The following DYDC1 variants were observed in gnomAD, a reference collection of about 807,000 sequenced individuals.
DYDC1 encodes DPY30 domain containing 1, also known as DPY30 domain-containing protein 1.
Under a neutral mutation model 27.9 loss-of-function variants are expected in DYDC1, and 21 were observed. The observed-to-expected ratio is 0.75, with a 90% CI of 0.53 to 1.08. The LOEUF (loss-of-function observed/expected upper bound fraction) is 1.08, where lower values mean the gene tolerates loss of function less well. DYDC1 is among the 50% of genes least tolerant of loss of function. The pLI is 0.00. For missense variants in DYDC1, 202 were observed against 205.9 expected, an observed-to-expected ratio of 0.98 and a Z score of 0.12; for synonymous variants, 67 against 65.8, an observed-to-expected ratio of 1.02 and a Z score of -0.09.
At chr10:80,354,756 C>T (rs1424428541) in intron 1 of DYDC1, among the ~76,000 whole-genome samples, 1 of 152,126 alleles carries the variant, frequency 6.6e-6, no homozygotes. Context: ...TAGAAGACAG[C>T]CACCTGCACA....
At chr10:80,339,211 T>C (rs2132743882) in intron 4 of DYDC1, 58 bp from the exon 5 acceptor site, 2 of 804,936 alleles carry the variant, frequency 2.5e-6, no homozygotes, top group Middle Eastern at 3.9e-4. Context: ...GATTTCATGT[T>C]TAATTTTTGG....
intron 6 of DYDC1, chr10:80,337,018 G>T: frequency 1.6e-6 from 1 of 613,402 alleles, no homozygotes; most frequent in Non-Finnish European, 2.0e-6. Context: ...CAACATACAA[G>T]ACCCAGTGTG....
chr10:80,338,428 A>G, intron 6 of DYDC1, 39 bp downstream of exon 6: 4 of 1,607,586 alleles, frequency 2.5e-6, no homozygotes, highest in Non-Finnish European at 3.4e-6. Flanking sequence ...AAAAACAAAA[A>G]CAAAAACGAG....
At chr10:80,347,894 C>T (rs564136724) in intron 3 of DYDC1, among the ~76,000 whole-genome samples, 1 of 152,274 alleles carries the variant, frequency 6.6e-6, no homozygotes, top group East Asian at 1.9e-4. Flanking sequence ...TTTGATAGTT[C>T]CAACTTCGTT....
At chr10:80,354,430 G>A (rs553501206) in intron 1 of DYDC1, 1 of 147,096 alleles carries the variant, frequency 6.8e-6, no homozygotes, top group African/African-American at 2.5e-5. Context: ...AGGTTGCAGT[G>A]AGCTGAGATT....
At chr10:80,348,348 T>G (rs1415872536) in intron 3 of DYDC1, among the ~76,000 whole-genome samples, 1 of 152,228 alleles carries the variant, frequency 6.6e-6, no homozygotes, top group Non-Finnish European at 1.5e-5. Flanking sequence ...GAAATTAGCT[T>G]TGGCTGCAGA....
chr10:80,351,853 T>G, intron 3 of DYDC1, 48 bp downstream of exon 3: 1 of 1,556,782 alleles, frequency 6.4e-7, no homozygotes, highest in Non-Finnish European at 8.8e-7. Flanking sequence ...CATGCTGAGG[T>G]TGGCATCGTT....
chr10:80,353,140 G>C (rs554408594), intron 1 of DYDC1, among the ~76,000 whole-genome samples: 52 of 151,338 alleles, frequency 3.4e-4, no homozygotes, highest in African/African-American at 1.3e-3. Flanking sequence ...CATCACAATA[G>C]TCCACCTTTT....
intron 1 of DYDC1, among the ~76,000 whole-genome samples, chr10:80,353,824 A>G (rs1032387114): frequency 2.0e-5 from 3 of 151,706 alleles, no homozygotes; most frequent in Admixed American, 1.3e-4. Flanking sequence ...AGTAAACTTG[A>G]AATCAATAAT....
intron 6 of DYDC1, 104 bp downstream of exon 6, chr10:80,338,363 A>G: frequency 1.4e-6 from 2 of 1,460,146 alleles, no homozygotes; most frequent in Non-Finnish European, 9.0e-7. Context: ...CCTATTTGCC[A>G]ACCAATCCTG....
At chr10:80,354,545 G>T (rs1016377952) in intron 1 of DYDC1, 4 of 151,798 alleles carry the variant, frequency 2.6e-5, no homozygotes, top group Non-Finnish European at 5.9e-5. Context: ...ATAGGTACTG[G>T]GAATACAAAA....
chr10:80,341,928 G>A (rs548661102), intron 4 of DYDC1, among the ~76,000 whole-genome samples: 20 of 151,656 alleles, frequency 1.3e-4, no homozygotes, highest in African/African-American at 4.6e-4. Context: ...GGAGGCTGAG[G>A]CAGGAGAATC....
At chr10:80,355,181 T>C (rs1446079047) in intron 1 of DYDC1, among the ~76,000 whole-genome samples, 1 of 151,774 alleles carries the variant, frequency 6.6e-6, no homozygotes, top group Non-Finnish European at 1.5e-5. Context: ...GGAATGAGCA[T>C]GGCAATTACA....
chr10:80,337,393 A>T, intron 6 of DYDC1: 1 of 985,420 alleles, frequency 1.0e-6, no homozygotes, highest in South Asian at 4.7e-5. Flanking sequence ...CATTTTCTGA[A>T]CAGCTCTTGA....
At chr10:80,336,678 C>A (rs529345788) in intron 6 of DYDC1, among the ~76,000 whole-genome samples, 2 of 152,252 alleles carry the variant, frequency 1.3e-5, no homozygotes, top group Non-Finnish European at 2.9e-5. Flanking sequence ...CTGAAGCCAT[C>A]ATTTTTTAAA....
At chr10:80,349,263 T>G (rs1323311788) in intron 3 of DYDC1, among the ~76,000 whole-genome samples, 3 of 152,244 alleles carry the variant, frequency 2.0e-5, no homozygotes. Flanking sequence ...AGTGAAATGT[T>G]ATCTTTTAAA....
intron 3 of DYDC1, among the ~76,000 whole-genome samples, chr10:80,348,537 G>C (rs1702899114): frequency 6.6e-6 from 1 of 152,144 alleles, no homozygotes; most frequent in South Asian, 2.1e-4. Context: ...TTAGATCTCC[G>C]TTCCCAAACA....
At chr10:80,353,315 C>T (rs1843116159) in intron 1 of DYDC1, among the ~76,000 whole-genome samples, 1 of 151,832 alleles carries the variant, frequency 6.6e-6, no homozygotes, top group Non-Finnish European at 1.5e-5. Context: ...ATTCCATGGA[C>T]ATGTCTGGCT....
chr10:80,348,613 T>C (rs1842801212), intron 3 of DYDC1, among the ~76,000 whole-genome samples: 1 of 152,188 alleles, frequency 6.6e-6, no homozygotes, highest in African/African-American at 2.4e-5. Context: ...GGCCTCAACG[T>C]AAGTGCAAAG....
Sources: allele counts gnomAD v4.1 joint callset (sites outside exome capture counted in the v4.1 genomes callset), GRCh38; gene constraint gnomAD v4.1.1; transcripts MANE v1.5; gene names NCBI Gene and HGNC (gene_info 2026-07-23, HGNC 2026-07-21).